Variants in SLC24A3 observed in about 807,000 individuals in gnomAD.
SLC24A3 encodes sodium/potassium/calcium exchanger 3.
In SLC24A3, 28 loss-of-function variants were observed where a neutral mutation model predicts 75.8. The ratio of observed to expected loss-of-function variants is 0.37; its 90% CI spans 0.27 to 0.51. The LOEUF is 0.51. Ranked by LOEUF, SLC24A3 falls within the 20% of genes least tolerant of loss-of-function variation. The probability of loss-of-function intolerance (pLI) is 0.94; values close to 1 mark genes in which losing one functional copy is unlikely to be tolerated. For missense variants in SLC24A3, 663 were observed against 847.8 expected, an observed-to-expected ratio of 0.78 and a Z score of 2.71; for synonymous variants, 372 against 334.1, an observed-to-expected ratio of 1.11 and a Z score of -1.24.
chr20:19,520,345 T>C (rs887992274), intron 3 of SLC24A3, among the ~76,000 whole-genome samples: 5 of 152,204 alleles, frequency 3.3e-5, no homozygotes, highest in African/African-American at 1.2e-4. Context: ...CACTGAGCTG[T>C]TGGAGTTGCT....
chr20:19,644,410 C>G (rs2032111667), intron 6 of SLC24A3, among the ~76,000 whole-genome samples: 1 of 152,148 alleles, frequency 6.6e-6, no homozygotes, highest in Non-Finnish European at 1.5e-5. Context: ...GGAGGGAGGT[C>G]TGAGAGTTGC....
intron 6 of SLC24A3, among the ~76,000 whole-genome samples, chr20:19,621,323 G>A (rs149806105): frequency 1.5e-3 from 230 of 152,294 alleles, no homozygotes; most frequent in African/African-American, 5.5e-3. Context: ...CTCCTTGATG[G>A]TTACCCTGAC....
intron 9 of SLC24A3, among the ~76,000 whole-genome samples, chr20:19,674,869 A>G (rs1383482732): frequency 1.3e-5 from 2 of 152,134 alleles, no homozygotes; most frequent in East Asian, 3.9e-4. Flanking sequence ...CCTGGCCAAC[A>G]TGGTGAAACC....
At chr20:19,325,795 TAGAG>T (rs745745496) in intron 2 of SLC24A3, among the ~76,000 whole-genome samples, 1,574 of 67,402 alleles carry the variant, frequency 0.023, 10 homozygotes, top group East Asian at 0.032. Flanking sequence ...TATATATATA[TAGAG>T]AGAGAGAGAG....
chr20:19,424,258 C>A (rs1986962748), intron 2 of SLC24A3, among the ~76,000 whole-genome samples: 1 of 151,968 alleles, frequency 6.6e-6, no homozygotes, highest in Non-Finnish European at 1.5e-5. Flanking sequence ...AGAAAAGTTT[C>A]AAGAATAGTA....
intron 2 of SLC24A3, among the ~76,000 whole-genome samples, chr20:19,346,622 A>G (rs1451136015): frequency 6.6e-6 from 1 of 152,046 alleles, no homozygotes; most frequent in Non-Finnish European, 1.5e-5. Flanking sequence ...GTTCTCACTC[A>G]TATGTGGGAG....
chr20:19,412,881 C>T (rs6046069), intron 2 of SLC24A3, among the ~76,000 whole-genome samples: 29,318 of 152,086 alleles, frequency 0.19, 5,928 homozygotes, highest in East Asian at 0.75. Flanking sequence ...TGGAGGCCTC[C>T]TTCTCTTTGA....
chr20:19,303,669 T>C (rs1327558034), intron 2 of SLC24A3, among the ~76,000 whole-genome samples: 1 of 152,202 alleles, frequency 6.6e-6, no homozygotes, highest in East Asian at 1.9e-4. Flanking sequence ...GTTGGACTGC[T>C]TTATCTTCTA....
At chr20:19,582,082 G>A (rs1330345569) in intron 4 of SLC24A3, among the ~76,000 whole-genome samples, 1 of 152,222 alleles carries the variant, frequency 6.6e-6, no homozygotes, top group Non-Finnish European at 1.5e-5. Flanking sequence ...TGAATGATGG[G>A]TGGGCTGAGG....
intron 2 of SLC24A3, among the ~76,000 whole-genome samples, chr20:19,406,904 T>C (rs946018378): frequency 6.6e-6 from 1 of 152,172 alleles, no homozygotes; most frequent in African/African-American, 2.4e-5. Flanking sequence ...GTGTAATCCC[T>C]GGTGATGTGA....
At chr20:19,571,269 C>G (rs2031047852) in intron 3 of SLC24A3, among the ~76,000 whole-genome samples, 1 of 152,148 alleles carries the variant, frequency 6.6e-6, no homozygotes, top group Admixed American at 6.5e-5. Context: ...GTAGGGAGCA[C>G]ATCAGCATCA....
At chr20:19,248,035 G>C (rs1982545582) in intron 1 of SLC24A3, among the ~76,000 whole-genome samples, 1 of 152,068 alleles carries the variant, frequency 6.6e-6, no homozygotes, top group Non-Finnish European at 1.5e-5. Context: ...TTGCTAAATG[G>C]TAAAGCTTTA....
At chr20:19,665,792 CGTGTGTGTGTGTGTGTGTGT>C (rs58371474) in intron 7 of SLC24A3, 52 bp from the exon 8 acceptor site, 8 of 1,203,206 alleles carry the variant, frequency 6.6e-6, no homozygotes, top group South Asian at 3.2e-5. Context: ...AGCCTTAAAG[CGTGTGTGTGTGTGTGTGTGT>C]GTGTGTGTGT....
At chr20:19,620,320 CTTT>C (rs909736512) in intron 6 of SLC24A3, among the ~76,000 whole-genome samples, 1 of 152,104 alleles carries the variant, frequency 6.6e-6, no homozygotes, top group Non-Finnish European at 1.5e-5. Flanking sequence ...TGTTGTCAAT[CTTT>C]TTTGGGGGGG....
intron 1 of SLC24A3, among the ~76,000 whole-genome samples, chr20:19,234,048 C>T (rs1295678725): frequency 1.3e-5 from 2 of 152,168 alleles, no homozygotes; most frequent in African/African-American, 2.4e-5. Flanking sequence ...AATCATTATT[C>T]GTTCTTATTT....
At chr20:19,401,650 C>T (rs796533621) in intron 2 of SLC24A3, among the ~76,000 whole-genome samples, 53 of 152,290 alleles carry the variant, frequency 3.5e-4, no homozygotes, top group African/African-American at 1.0e-3. Flanking sequence ...AGGTCCTCAC[C>T]CTTACCACAT....
chr20:19,655,134 G>A (rs1239644773), intron 7 of SLC24A3, among the ~76,000 whole-genome samples: 1 of 152,154 alleles, frequency 6.6e-6, no homozygotes, highest in Non-Finnish European at 1.5e-5. Flanking sequence ...TTCCTCCAGA[G>A]CCCACTTCAG....
Position 19,489,560 on chromosome 20 carries a change from T to G in SLC24A3, c.272-25928T>G, listed in dbSNP as rs76896825. Among the ~76,000 whole-genome samples, 554 of 152,318 alleles carry G rather than the reference T, an allele frequency of 3.6e-3. 5 individuals are homozygous for G. The highest frequency in any genetic ancestry group is 0.013 in the African/African-American group (538 of 41,572). On this transcript the variant is annotated intron_variant, in intron 2 of 16. Coordinates refer to ENST00000328041, the MANE Select transcript of SLC24A3 (RefSeq NM_020689.4). ...CTAAACATTTTCATATTTCTCTCTT[T>G]TATGGATTTGTTTCCCAATTTACTT...
intron 1 of SLC24A3, among the ~76,000 whole-genome samples, chr20:19,244,867 C>A (rs1982442212): frequency 6.6e-6 from 1 of 152,246 alleles, no homozygotes; most frequent in Non-Finnish European, 1.5e-5. Flanking sequence ...AAAGAGGAAG[C>A]TGAATACCCA....
Sources: gnomAD v4.1 joint callset for allele counts (sites outside exome capture counted in the v4.1 genomes callset) on GRCh38, gnomAD v4.1.1 for gene constraint, MANE v1.5 for transcripts, NCBI Gene and HGNC (gene_info 2026-07-23, HGNC 2026-07-21) for gene names.